Variants in RIMBP2 observed in about 807,000 individuals in gnomAD.
RIMBP2 encodes RIMS-binding protein 2.
A neutral mutation model predicts 118.6 loss-of-function variants in RIMBP2; 48 were observed. The ratio of observed to expected loss-of-function variants is 0.40; its 90% CI spans 0.32 to 0.51. The LOEUF (loss-of-function observed/expected upper bound fraction) is 0.51, where lower values mean the gene tolerates loss of function less well. RIMBP2 is among the 20% of genes least tolerant of loss of function. RIMBP2 has a pLI of 0.41. For synonymous variants in RIMBP2, 762 were observed against 742.9 expected (o/e 1.03, Z -0.42); for missense variants, 1,551 against 1,768.3 (o/e 0.88, Z 2.20).
chr12:130,436,954 C>T lies in RIMBP2; in HGVS notation c.1994G>A (p.Arg665Gln), dbSNP rs376765784. 1.1e-5 allele frequency: 17 copies of T among 1,604,954 alleles called. No homozygotes were observed. Among genetic ancestry groups the T allele is most frequent in the East Asian group, 2.2e-5 (1 of 44,490 alleles). ...MLEPPVGPGRRSPSPSRILPQ... is the reference protein window; with the variant it reads ...MLEPPVGPGRQSPSPSRILPQ... ...CAGGATGCGGCTGGGTGAGGGCGAC[C>T]GCCTTCCGGGGCCCACGGGCGGCTC... The change falls in exon 13 of 23, where the codon CGG (arginine) becomes CAG (glutamine). Residue 665 changes from arginine (R) to glutamine (Q), a missense_variant. Transcript: ENST00000690449.
At chr12:130,415,115 C>A (rs2076024775) in intron 17 of RIMBP2, among the ~76,000 whole-genome samples, 1 of 152,138 alleles carries the variant, frequency 6.6e-6, no homozygotes, top group Non-Finnish European at 1.5e-5. Context: ...AAACTACAGG[C>A]TAATATCCCT....
intron 2 of RIMBP2, among the ~76,000 whole-genome samples, chr12:130,627,122 T>A (rs996209929): frequency 7.2e-5 from 11 of 151,748 alleles, no homozygotes; most frequent in Non-Finnish European, 1.5e-4. Context: ...GCCAGCATCA[T>A]CAACATCTCC....
intron 1 of RIMBP2, among the ~76,000 whole-genome samples, chr12:130,681,769 A>G (rs932418221): frequency 6.6e-6 from 1 of 152,168 alleles, no homozygotes; most frequent in African/African-American, 2.4e-5. Context: ...ATCTCAGCTC[A>G]CTACAACCTC....
At chr12:130,676,440 T>C (rs1470299288) in intron 1 of RIMBP2, among the ~76,000 whole-genome samples, 4 of 150,648 alleles carry the variant, frequency 2.7e-5, no homozygotes, top group Non-Finnish European at 4.4e-5. Flanking sequence ...CTGGCCAACA[T>C]GGTGAAACCC....
chr12:130,697,045 C>T (rs1203292495), intron 1 of RIMBP2, among the ~76,000 whole-genome samples: 1 of 152,144 alleles, frequency 6.6e-6, no homozygotes, highest in Non-Finnish European at 1.5e-5. Context: ...ATTTTGCAGA[C>T]AATGAATAAG....
chr12:130,682,712 C>T (rs973583111), intron 1 of RIMBP2, among the ~76,000 whole-genome samples: 4 of 152,172 alleles, frequency 2.6e-5, no homozygotes, highest in African/African-American at 7.2e-5. Flanking sequence ...CTGTGAGGGA[C>T]GGGTCCAGTC....
chr12:130,603,928 C>G (rs2140462595), intron 2 of RIMBP2, among the ~76,000 whole-genome samples: 1 of 85,094 alleles, frequency 1.2e-5, no homozygotes, highest in African/African-American at 4.5e-5. Flanking sequence ...AGAGTGTACT[C>G]CTACTTATAA....
At chr12:130,632,612 G>A (rs112817152) in intron 1 of RIMBP2, among the ~76,000 whole-genome samples, 7 of 152,146 alleles carry the variant, frequency 4.6e-5, no homozygotes, top group East Asian at 3.9e-4. Flanking sequence ...CTACTCCATC[G>A]TTAAAGAGGC....
chr12:130,452,759 G>A (rs75855107), intron 7 of RIMBP2, among the ~76,000 whole-genome samples: 1,718 of 152,342 alleles, frequency 0.011, 76 homozygotes, highest in Admixed American at 0.08. Flanking sequence ...GGGGCCGCGT[G>A]TGACTGCAGC....
intron 1 of RIMBP2, among the ~76,000 whole-genome samples, chr12:130,646,060 C>T (rs1287647778): frequency 1.9e-4 from 23 of 121,298 alleles, no homozygotes; most frequent in East Asian, 1.9e-3. Flanking sequence ...CCTCCCTCAC[C>T]ACCTGCCTCT....
chr12:130,690,803 A>C (rs1258307757), intron 1 of RIMBP2, among the ~76,000 whole-genome samples: 4 of 152,038 alleles, frequency 2.6e-5, no homozygotes, highest in Admixed American at 2.6e-4. Context: ...GAAGCCTGGG[A>C]CTCAAATATC....
chr12:130,591,486 G>T (rs374433343), intron 2 of RIMBP2, among the ~76,000 whole-genome samples: 2 of 152,004 alleles, frequency 1.3e-5, no homozygotes, highest in Admixed American at 1.3e-4. Flanking sequence ...GAGTGACTTA[G>T]AACAGTGGAA....
In RIMBP2 at chr12:130,446,029, C is replaced by CCA. The variant is rs56061151; in HGVS notation, c.582-761_582-760insTG. Reference sequence around the variant, plus strand: ...CGCATGATTTTATGCTCCCCCCCCCCACACCCCCAGGAATATAAGAGTATC... The same window carrying CCA: ...CGCATGATTTTATGCTCCCCCCCCCCCAACACCCCCAGGAATATAAGAGTATC... On this transcript the variant is annotated intron_variant, in intron 9 of 22. Coordinates refer to ENST00000690449, the MANE Select transcript of RIMBP2 (RefSeq NM_001393629.1). This position sits in a 1 kb window ranked among gnomAD's most constrained non-coding sequence, Gnocchi z 4.1. Among the ~76,000 whole-genome samples the CCA allele has an allele frequency of 1.4e-5, 2 of 144,482 alleles. No homozygotes were observed. Among genetic ancestry groups the CCA allele is most frequent in the African/African-American group, 2.6e-5 (1 of 39,076 alleles). 94.8% of individuals were successfully genotyped at this position (144,482 alleles called of 152,430 possible).
At chr12:130,599,412 C>G (rs2059742607) in intron 2 of RIMBP2, among the ~76,000 whole-genome samples, 2 of 152,030 alleles carry the variant, frequency 1.3e-5, no homozygotes, top group South Asian at 4.2e-4. Flanking sequence ...TTTCAATATT[C>G]AATAAAAAAC....
intron 15 of RIMBP2, chr12:130,427,317 G>A (rs1384380290): frequency 6.6e-6 from 1 of 152,258 alleles, no homozygotes; most frequent in East Asian, 1.9e-4. Flanking sequence ...GCTTGCCTTT[G>A]TCTGTCTCCC....
intron 2 of RIMBP2, among the ~76,000 whole-genome samples, chr12:130,567,534 G>C (rs2057311787): frequency 6.6e-6 from 1 of 152,200 alleles, no homozygotes; most frequent in Non-Finnish European, 1.5e-5. Context: ...AGACAGAACG[G>C]GGGAGAGGGA....
chr12:130,491,629 G>A (rs1035999289), intron 4 of RIMBP2, among the ~76,000 whole-genome samples: 1 of 152,170 alleles, frequency 6.6e-6, no homozygotes, highest in East Asian at 1.9e-4. Context: ...TCGGTTCCTG[G>A]GAGTGCAAGG....
intron 2 of RIMBP2, among the ~76,000 whole-genome samples, chr12:130,595,308 C>G (rs560934180): frequency 4.6e-5 from 7 of 152,264 alleles, no homozygotes; most frequent in African/African-American, 1.7e-4. Context: ...CCTGTAATCC[C>G]AGCACTTTGG....
At chr12:130,612,027 A>G (rs2060587525) in intron 2 of RIMBP2, among the ~76,000 whole-genome samples, 1 of 152,194 alleles carries the variant, frequency 6.6e-6, no homozygotes, top group Admixed American at 6.5e-5. Flanking sequence ...TGCCCTGAAG[A>G]GCCCGCAGGG....
Sources: gnomAD v4.1 joint callset for allele counts (sites outside exome capture counted in the v4.1 genomes callset) on GRCh38, gnomAD v4.1.1 for gene constraint, Gnocchi (gnomAD v3.1) non-coding constraint, MANE v1.5 for transcripts, NCBI Gene and HGNC (gene_info 2026-07-23, HGNC 2026-07-21) for gene names.